ARHGAP44: variants seen among roughly 807,000 people sequenced by gnomAD.
ARHGAP44 encodes rho GTPase-activating protein 44.
In ARHGAP44, 43 loss-of-function variants were observed where a neutral mutation model predicts 106.8. The ratio of observed to expected loss-of-function variants is 0.40; its 90% CI spans 0.32 to 0.52. The LOEUF (loss-of-function observed/expected upper bound fraction) is 0.52, where lower values mean the gene tolerates loss of function less well. Among genes scored for constraint, ARHGAP44 ranks in the 20% least tolerant of loss-of-function variants. The probability of loss-of-function intolerance (pLI) is 0.48; values close to 1 mark genes in which losing one functional copy is unlikely to be tolerated. For missense variants in ARHGAP44, 866 were observed against 1,050.5 expected, an observed-to-expected ratio of 0.82 and a Z score of 2.43; for synonymous variants, 439 against 410.3, an observed-to-expected ratio of 1.07 and a Z score of -0.85.
Position 12,913,916 on chromosome 17 carries a change from C to CCAAGTACGCGT in ARHGAP44, c.276-1981_276-1971dup, listed in dbSNP as rs557276776. 2.0e-3 allele frequency among the ~76,000 whole-genome samples: 270 copies of CCAAGTACGCGT among 134,468 alleles called. 1 individual carries two copies. The highest frequency in any genetic ancestry group is 6.8e-3 in the African/African-American group (255 of 37,360). 88.2% of individuals were successfully genotyped at this position (134,468 alleles called of 152,430 possible). A position where few individuals can be genotyped will look rare whatever the true frequency, so the allele number is the denominator to read the frequency against. ...CCCGGGAGGTGGAGTTTGTGGTGAG[C>CCAAGTACGCGT]CAAGTACGCGTCACTGCACTCCAGC... On this transcript the variant is annotated intron_variant, in intron 4 of 20. Coordinates refer to ENST00000379672, the MANE Select transcript of ARHGAP44 (RefSeq NM_014859.6).
At chr17:12,876,509 A>T (rs2036560047) in intron 1 of ARHGAP44, among the ~76,000 whole-genome samples, 1 of 152,224 alleles carries the variant, frequency 6.6e-6, no homozygotes. Flanking sequence ...AAGTGCCAGC[A>T]GAACACCTGC....
chr17:12,952,465 G>T (rs761164287), intron 12 of ARHGAP44, 36 bp from the exon 13 acceptor site: 30 of 1,467,016 alleles, frequency 2.0e-5, no homozygotes, highest in Non-Finnish European at 2.5e-5. Context: ...TTATTGATTC[G>T]TGCTCAACCA....
intron 1 of ARHGAP44, among the ~76,000 whole-genome samples, chr17:12,833,374 C>T (rs952359432): frequency 2.0e-5 from 3 of 152,078 alleles, no homozygotes; most frequent in South Asian, 2.1e-4. Context: ...AAGCTGATAC[C>T]CAACTAGCTT....
chr17:12,918,572 A>G (rs2037984429), intron 5 of ARHGAP44, among the ~76,000 whole-genome samples: 1 of 152,216 alleles, frequency 6.6e-6, no homozygotes. Flanking sequence ...GAGAAAAGCC[A>G]TGATGGCAAT....
chr17:12,815,750 C>T (rs1217937722), intron 1 of ARHGAP44, among the ~76,000 whole-genome samples: 3 of 152,170 alleles, frequency 2.0e-5, no homozygotes, highest in Admixed American at 2.0e-4. Flanking sequence ...TCTCTTTCCT[C>T]TCCTTTTATT....
intron 1 of ARHGAP44, among the ~76,000 whole-genome samples, chr17:12,867,170 TATAAG>T (rs368806885): frequency 6.8e-4 from 103 of 151,458 alleles, no homozygotes; most frequent in African/African-American, 2.4e-3. Flanking sequence ...AGGTCACAGT[TATAAG>T]AAGGAACCAA....
chr17:12,900,928 T>A, intron 3 of ARHGAP44, among the ~76,000 whole-genome samples: 1 of 140,102 alleles, frequency 7.1e-6, no homozygotes, highest in Admixed American at 6.9e-5. Flanking sequence ...TTTTTTTTTT[T>A]TTTTTTTTAA....
At chr17:12,921,887 A>G (rs2038095554) in intron 6 of ARHGAP44, among the ~76,000 whole-genome samples, 1 of 152,166 alleles carries the variant, frequency 6.6e-6, no homozygotes, top group Non-Finnish European at 1.5e-5. Flanking sequence ...TGCATCAGGA[A>G]GAATAAAAGG....
At chr17:12,912,632 A>G (rs2037772996) in intron 4 of ARHGAP44, among the ~76,000 whole-genome samples, 1 of 152,200 alleles carries the variant, frequency 6.6e-6, no homozygotes, top group African/African-American at 2.4e-5. Context: ...GCTCACCATC[A>G]TGTATACTGG....
chr17:12,790,059 T>A (rs1197658957), intron 1 of ARHGAP44, 168 bp downstream of exon 1: 1 of 559,388 alleles, frequency 1.8e-6, no homozygotes, highest in Non-Finnish European at 2.9e-6. Flanking sequence ...CCTCCCTAAC[T>A]TCCCAGACCC....
intron 1 of ARHGAP44, among the ~76,000 whole-genome samples, chr17:12,881,354 A>G (rs1221529427): frequency 6.6e-6 from 1 of 152,016 alleles, no homozygotes; most frequent in Non-Finnish European, 1.5e-5. Flanking sequence ...CGTGTAGAGT[A>G]GAAACCCTAT....
chr17:12,870,742 C>A (rs903608041), intron 1 of ARHGAP44, among the ~76,000 whole-genome samples: 3 of 152,158 alleles, frequency 2.0e-5, no homozygotes, highest in African/African-American at 7.2e-5. Flanking sequence ...TATTTACTTC[C>A]TGCTGGTGAG....
At position 12,956,704 on chromosome 17, in the gene ARHGAP44, A is replaced by G. The variant is rs759656217; in HGVS notation, c.1300A>G (p.Ile434Val). Reference sequence around the variant, plus strand: ...AGTGTCGCTGCAAATTGTTGGGATCATTGAACCTATCATCCAGCATGCAGA... The same window carrying G: ...AGTGTCGCTGCAAATTGTTGGGATCGTTGAACCTATCATCCAGCATGCAGA... Reference protein sequence around the residue: ...TTVSLQIVGIIEPIIQHADWF... With the variant: ...TTVSLQIVGIVEPIIQHADWF... Residue 434 changes from isoleucine (I) to valine (V), a missense_variant, in exon 15 of 21, where the codon ATT (isoleucine) becomes GTT (valine). Physicochemically the swap from Ile to Val is conservative, Grantham distance 29 (BLOSUM62 3). Around this residue, in one of 2 missense-constraint regions of ARHGAP44, gnomAD observed 448 missense variants for 646.9 expected, o/e 0.69. Coordinates refer to ENST00000379672, the MANE Select transcript of ARHGAP44 (RefSeq NM_014859.6). 1.2e-6 allele frequency: 2 copies of G among 1,614,174 alleles called. No homozygotes were observed. The highest frequency in any genetic ancestry group is 1.3e-5 in the African/African-American group (1 of 75,036).
At chr17:12,985,578 T>C (rs1373472124) in intron 20 of ARHGAP44, 1 of 152,168 alleles carries the variant, frequency 6.6e-6, no homozygotes, top group Admixed American at 6.5e-5. Context: ...AAGCACAAAA[T>C]CGCAAACACA....
At chr17:12,801,353 A>T (rs1008427787) in intron 1 of ARHGAP44, among the ~76,000 whole-genome samples, 3 of 152,228 alleles carry the variant, frequency 2.0e-5, no homozygotes, top group Non-Finnish European at 4.4e-5. Context: ...TTCCTGTTTT[A>T]TCCTCCCAAC....
At chr17:12,846,971 A>C (rs2035586903) in intron 1 of ARHGAP44, among the ~76,000 whole-genome samples, 1 of 152,168 alleles carries the variant, frequency 6.6e-6, no homozygotes. Context: ...TAGGTCATTT[A>C]AGGTTAACCC....
chr17:12,928,171 G>A (rs2038300191), intron 6 of ARHGAP44, among the ~76,000 whole-genome samples: 1 of 152,186 alleles, frequency 6.6e-6, no homozygotes. Context: ...CATTCATGAG[G>A]AATCTAAATG....
intron 1 of ARHGAP44, among the ~76,000 whole-genome samples, chr17:12,889,656 A>C (rs2036984149): frequency 1.3e-5 from 2 of 152,166 alleles, no homozygotes; most frequent in Non-Finnish European, 2.9e-5. Flanking sequence ...CATTTGCTCC[A>C]TCTCAATAGC....
intron 7 of ARHGAP44, 91 bp downstream of exon 7, chr17:12,929,137 G>A (rs2038329820): frequency 8.3e-7 from 1 of 1,204,712 alleles, no homozygotes; most frequent in Non-Finnish European, 1.2e-6. Context: ...TTAAAACTCT[G>A]TCAGTGAGGC....
Sources: allele counts gnomAD v4.1 joint callset (sites outside exome capture counted in the v4.1 genomes callset), GRCh38; gene constraint gnomAD v4.1.1; regional missense constraint gnomAD v4.1.1; transcripts MANE v1.5; gene names NCBI Gene and HGNC (gene_info 2026-07-23, HGNC 2026-07-21).